CNTN1: variants seen among roughly 807,000 people sequenced by gnomAD.
The protein encoded by CNTN1 is contactin-1.
CNTN1 carries 38 observed loss-of-function variants against 126.4 expected under a neutral mutation model. The ratio of observed to expected loss-of-function variants is 0.30; its 90% CI spans 0.23 to 0.39. The LOEUF (loss-of-function observed/expected upper bound fraction) is 0.39. Ranked by LOEUF, CNTN1 falls within the 10% of genes least tolerant of loss-of-function variation. The pLI is 1.00. For synonymous variants in CNTN1, 413 were observed against 422.6 expected (o/e 0.98, Z 0.28); for missense variants, 1,009 against 1,248.4 (o/e 0.81, Z 2.89).
At chr12:40,947,798 C>T (rs375540027) in intron 14 of CNTN1, among the ~76,000 whole-genome samples, 11,841 of 142,434 alleles carry the variant, frequency 0.083, 877 homozygotes, top group Admixed American at 0.18. Context: ...CACACACACA[C>T]ACACACACAC....
At chr12:40,849,703 A>G (rs1382055332) in intron 1 of CNTN1, among the ~76,000 whole-genome samples, 2 of 152,220 alleles carry the variant, frequency 1.3e-5, no homozygotes, top group East Asian at 3.9e-4. Flanking sequence ...AGTAATTGCT[A>G]ATGTATAATA....
chr12:40,931,875 T>C (rs923226455), intron 7 of CNTN1, among the ~76,000 whole-genome samples: 1 of 151,962 alleles, frequency 6.6e-6, no homozygotes, highest in African/African-American at 2.4e-5. Context: ...TTGAGAAACA[T>C]TGATCCAAGG....
At chr12:40,977,764 CTGTTTTGTTT>C (rs56822606) in intron 15 of CNTN1, among the ~76,000 whole-genome samples, 6,664 of 68,824 alleles carry the variant, frequency 0.097, 161 homozygotes, top group African/African-American at 0.11. Context: ...TAACAATCAT[CTGTTTTGTTT>C]TGTTTTGTTT....
intron 1 of CNTN1, among the ~76,000 whole-genome samples, chr12:40,830,917 G>A (rs1354886877): frequency 2.6e-5 from 2 of 76,272 alleles, no homozygotes; most frequent in Non-Finnish European, 5.0e-5. Flanking sequence ...ATCCTAAGTG[G>A]TAGTTACATA....
intron 1 of CNTN1, among the ~76,000 whole-genome samples, chr12:40,888,571 T>C (rs1944134231): frequency 6.6e-6 from 1 of 152,160 alleles, no homozygotes; most frequent in African/African-American, 2.4e-5. Flanking sequence ...CTTAACTTGT[T>C]TTAGACTCCC....
intron 1 of CNTN1, among the ~76,000 whole-genome samples, chr12:40,785,373 C>T (rs2136456557): frequency 1.3e-5 from 2 of 151,856 alleles, no homozygotes; most frequent in Non-Finnish European, 2.9e-5. Flanking sequence ...CGTCACGTGG[C>T]AAGGAAGGGG....
chr12:41,004,754 C>A (rs921225284), intron 17 of CNTN1, among the ~76,000 whole-genome samples: 1 of 152,032 alleles, frequency 6.6e-6, no homozygotes, highest in Non-Finnish European at 1.5e-5. Flanking sequence ...GATTGCAAAC[C>A]CTACTTTTTA....
chr12:40,939,585 C>T lies in CNTN1; in HGVS notation c.1379+100C>T, dbSNP rs1946195547. 2.9e-6 allele frequency: 4 copies of T among 1,401,980 alleles called. No individual in the cohort carries two copies. The Admixed American group carries it at 6.1e-5, about 21-fold the overall frequency. 86.8% of individuals were successfully genotyped at this position (1,401,980 alleles called of 1,614,324 possible). On this transcript the variant is annotated intron_variant, in intron 12 of 23. Transcript: ENST00000551295. ...GTTAATAATGAAAATGTTTTTTGCT[C>T]TGAATTTTTTTTTTCACAGAAGATC...
At chr12:40,971,551 T>A in intron 15 of CNTN1, 1 of 1,581,014 alleles carries the variant, frequency 6.3e-7, no homozygotes. Flanking sequence ...GACTTTTTTT[T>A]TTTTAACATA....
intron 23 of CNTN1, 142 bp from the exon 24 acceptor site, chr12:41,069,817 G>A (rs1315545277): frequency 4.2e-6 from 3 of 709,458 alleles, no homozygotes; most frequent in Non-Finnish European, 7.6e-6. Flanking sequence ...CTTAAATCAT[G>A]TAAGAATAAG....
intron 17 of CNTN1, among the ~76,000 whole-genome samples, chr12:40,994,934 T>A (rs1369906090): frequency 1.3e-5 from 2 of 152,194 alleles, no homozygotes; most frequent in African/African-American, 4.8e-5. Flanking sequence ...CAGATCTAAA[T>A]TTGAATTCTG....
intron 1 of CNTN1, among the ~76,000 whole-genome samples, chr12:40,776,484 C>G (rs1029352676): frequency 4.8e-4 from 73 of 151,494 alleles, no homozygotes; most frequent in African/African-American, 1.7e-3. Flanking sequence ...CTGTGAAATA[C>G]TGTGGGGTCA....
intron 1 of CNTN1, among the ~76,000 whole-genome samples, chr12:40,766,873 T>A (rs932019793): frequency 1.3e-5 from 2 of 152,174 alleles, no homozygotes; most frequent in Non-Finnish European, 2.9e-5. Context: ...TGCTTCTCAA[T>A]CAGACAGGAA....
chr12:40,725,802 A>T (rs77666298), intron 1 of CNTN1, among the ~76,000 whole-genome samples: 1,925 of 152,216 alleles, frequency 0.013, 25 homozygotes, highest in Non-Finnish European at 0.021. Flanking sequence ...CTATTGCAAT[A>T]GTCTTGAGTA....
chr12:40,995,806 T>A (rs1948198878), intron 17 of CNTN1, among the ~76,000 whole-genome samples: 1 of 152,242 alleles, frequency 6.6e-6, no homozygotes, highest in African/African-American at 2.4e-5. Context: ...CAGAAAATAT[T>A]TTGAGATCTT....
intron 1 of CNTN1, among the ~76,000 whole-genome samples, chr12:40,771,973 C>T (rs908892523): frequency 6.6e-6 from 1 of 151,924 alleles, no homozygotes; most frequent in Admixed American, 6.6e-5. Flanking sequence ...ATCTAAGTCT[C>T]CAGGGCTCCT....
intron 1 of CNTN1, among the ~76,000 whole-genome samples, chr12:40,718,804 T>C (rs529701960): frequency 6.6e-6 from 1 of 152,198 alleles, no homozygotes; most frequent in East Asian, 1.9e-4. Flanking sequence ...ACGTCACACC[T>C]GCCCTTCAAA....
intron 17 of CNTN1, among the ~76,000 whole-genome samples, chr12:41,003,540 A>G (rs1364060758): frequency 2.0e-5 from 3 of 148,610 alleles, no homozygotes; most frequent in Middle Eastern, 3.5e-3. Context: ...TTCTTTGTAC[A>G]TTTGGTAGAA....
intron 1 of CNTN1, among the ~76,000 whole-genome samples, chr12:40,721,545 AATTATT>A (rs150431424): frequency 1.7e-4 from 25 of 150,302 alleles, no homozygotes; most frequent in Admixed American, 1.3e-3. Context: ...ATCTTACATT[AATTATT>A]ATTATTATTA....
Sources: gnomAD v4.1 joint callset for allele counts (sites outside exome capture counted in the v4.1 genomes callset) on GRCh38, gnomAD v4.1.1 for gene constraint, MANE v1.5 for transcripts, NCBI Gene and HGNC (gene_info 2026-07-23, HGNC 2026-07-21) for gene names.